GPC4: variants seen among roughly 807,000 people sequenced by gnomAD.
The protein encoded by GPC4 is glypican 4.
Under a neutral mutation model 35.0 loss-of-function variants are expected in GPC4, and 10 were observed. The observed-to-expected ratio is 0.29, with a 90% CI of 0.18 to 0.48. The LOEUF is 0.48. GPC4 is among the 20% of genes least tolerant of loss of function. GPC4 has a pLI of 0.99. For synonymous variants in GPC4, 167 were observed against 170.2 expected (o/e 0.98, Z 0.15); for missense variants, 322 against 451.3 (o/e 0.71, Z 2.60).
chrX:133,378,440 G>A (rs1039583440), intron 1 of GPC4, among the ~76,000 whole-genome samples: 23 of 108,046 alleles, frequency 2.1e-4, no homozygotes, highest in Non-Finnish European at 4.2e-4. Flanking sequence ...GCGTGGTGGC[G>A]GGTGCCTGTA....
chrX:133,391,830 A>C (rs1313179556), intron 1 of GPC4, among the ~76,000 whole-genome samples: 1 of 111,732 alleles, frequency 8.9e-6, no homozygotes, highest in Non-Finnish European at 1.9e-5. Flanking sequence ...AGAAGACTTA[A>C]AGGGAAACAT....
intron 1 of GPC4, among the ~76,000 whole-genome samples, chrX:133,407,465 T>C (rs1245883120): frequency 8.9e-6 from 1 of 111,830 alleles, no homozygotes; most frequent in African/African-American, 3.2e-5. Context: ...TAGAATCCCA[T>C]TGCATAATTT....
intron 3 of GPC4, among the ~76,000 whole-genome samples, chrX:133,322,870 A>G (rs770433459): frequency 8.9e-6 from 1 of 112,220 alleles, no homozygotes; most frequent in East Asian, 2.8e-4. Flanking sequence ...CACTAAGATC[A>G]GCCTTGCAAA....
chrX:133,360,037 G>C (rs374383957), intron 1 of GPC4, among the ~76,000 whole-genome samples: 2 of 110,368 alleles, frequency 1.8e-5, no homozygotes, highest in Non-Finnish European at 3.8e-5. Flanking sequence ...GCCTATGCTG[G>C]GGGGGGAGAG....
At chrX:133,370,665 C>G (rs2068608916) in intron 1 of GPC4, among the ~76,000 whole-genome samples, 1 of 110,998 alleles carries the variant, frequency 9.0e-6, no homozygotes, top group Non-Finnish European at 1.9e-5. Flanking sequence ...CCTTTATTCT[C>G]CTTGGATGTT....
At position 133,384,537 on chromosome X, in the gene GPC4, T is replaced by G. The variant is rs1348939342; in HGVS notation, c.160+30269A>C. On this transcript the variant is annotated intron_variant, in intron 1 of 8. Coordinates refer to ENST00000370828, the MANE Select transcript of GPC4 (RefSeq NM_001448.3). ...GTGAGAGCCCAATCCAAAAGCAGAC[T>G]CTGAGCATTGTCCTGGTACATGTGG... Among the ~76,000 whole-genome samples the G allele has an allele frequency of 3.6e-5, 4 of 111,136 alleles. No individual in the cohort carries two copies. The East Asian group carries it at 1.1e-3, about 32-fold the overall frequency.
chrX:133,328,243 C>T (rs1451699173), intron 2 of GPC4, among the ~76,000 whole-genome samples: 2 of 111,327 alleles, frequency 1.8e-5, no homozygotes, highest in African/African-American at 6.5e-5. Context: ...AAGACCCAGA[C>T]TCATTTCTTT....
At chrX:133,331,528 T>C (rs1043176356) in intron 2 of GPC4, among the ~76,000 whole-genome samples, 47 of 111,429 alleles carry the variant, frequency 4.2e-4, no homozygotes, top group African/African-American at 1.5e-3. Flanking sequence ...TCCCAGCACT[T>C]TGAGAGGCCA....
chrX:133,409,601 G>A (rs1603101765), intron 1 of GPC4, among the ~76,000 whole-genome samples: 1 of 111,424 alleles, frequency 9.0e-6, no homozygotes, highest in East Asian at 2.8e-4. Flanking sequence ...AGACAAACAC[G>A]TACCTGCACA....
intron 1 of GPC4, among the ~76,000 whole-genome samples, chrX:133,353,668 G>A (rs2068526451): frequency 9.0e-6 from 1 of 111,577 alleles, no homozygotes; most frequent in Admixed American, 9.6e-5. Flanking sequence ...TGGGGGATGG[G>A]GAAGTTCTTT....
intron 1 of GPC4, among the ~76,000 whole-genome samples, chrX:133,340,661 T>G (rs2068462815): frequency 8.9e-6 from 1 of 112,424 alleles, no homozygotes; most frequent in Non-Finnish European, 1.9e-5. Flanking sequence ...AAATAGGGCT[T>G]CACCTAATGG....
intron 2 of GPC4, among the ~76,000 whole-genome samples, chrX:133,327,636 AGT>A (rs557359106): frequency 0.032 from 2,694 of 83,180 alleles, 55 homozygotes; most frequent in South Asian, 0.039. Context: ...TGTCCAGGAA[AGT>A]GTGTGTGTGT....
At chrX:133,350,878 G>C (rs1251733911) in intron 1 of GPC4, among the ~76,000 whole-genome samples, 1 of 111,833 alleles carries the variant, frequency 8.9e-6, no homozygotes, top group African/African-American at 3.3e-5. Context: ...ATGAGGGAGA[G>C]GCAGAGCCCT....
At chrX:133,359,446 A>G (rs1398241798) in intron 1 of GPC4, among the ~76,000 whole-genome samples, 2 of 111,553 alleles carry the variant, frequency 1.8e-5, no homozygotes, top group African/African-American at 6.5e-5. Context: ...AAAATAGTCC[A>G]GAGAAGGAAT....
chrX:133,385,099 CT>C (rs2068682506), intron 1 of GPC4, among the ~76,000 whole-genome samples: 1 of 112,286 alleles, frequency 8.9e-6, no homozygotes, highest in Non-Finnish European at 1.9e-5. Flanking sequence ...TGTCCTGCAC[CT>C]TTCCAGCTGT....
chrX:133,333,117 GT>G (rs1310631304), intron 2 of GPC4, among the ~76,000 whole-genome samples: 1 of 112,385 alleles, frequency 8.9e-6, no homozygotes. Flanking sequence ...CAATCAATCG[GT>G]TGGAGTCAGT....
At chrX:133,378,113 T>C (rs1341242447) in intron 1 of GPC4, among the ~76,000 whole-genome samples, 1 of 110,164 alleles carries the variant, frequency 9.1e-6, no homozygotes, top group African/African-American at 3.3e-5. Flanking sequence ...CTCAAACTCC[T>C]GGGCTCAAGT....
At chrX:133,372,213 G>A (rs1175533859) in intron 1 of GPC4, among the ~76,000 whole-genome samples, 2 of 83,540 alleles carry the variant, frequency 2.4e-5, no homozygotes, top group East Asian at 3.8e-4. Context: ...GCGACACAGC[G>A]ACTCCGTCTT....
intron 1 of GPC4, among the ~76,000 whole-genome samples, chrX:133,354,809 C>T (rs1024697720): frequency 2.8e-5 from 3 of 107,611 alleles, no homozygotes; most frequent in African/African-American, 1.0e-4. Flanking sequence ...ACCTCATGAT[C>T]CACCCGCCTC....
Sources: allele counts gnomAD v4.1 joint callset (sites outside exome capture counted in the v4.1 genomes callset), GRCh38; gene constraint gnomAD v4.1.1; transcripts MANE v1.5; gene names NCBI Gene and HGNC (gene_info 2026-07-23, HGNC 2026-07-21).